The following TPRG1 variants were observed in gnomAD, a reference collection of about 807,000 sequenced individuals.
TPRG1 encodes the protein tumor protein p63 regulated 1, also known as tumor protein p63-regulated gene 1 protein.
In TPRG1, 29 loss-of-function variants were observed where a neutral mutation model predicts 29.3. The observed-to-expected ratio is 0.99, with a 90% CI of 0.74 to 1.35. The LOEUF (loss-of-function observed/expected upper bound fraction) is 1.35. Among genes scored for constraint, TPRG1 ranks in the 40% most tolerant of loss-of-function variants. The pLI, the probability that TPRG1 is intolerant of heterozygous loss-of-function variation, is 0.00. For missense variants in TPRG1, 327 were observed against 335.0 expected, an observed-to-expected ratio of 0.98 and a Z score of 0.19; for synonymous variants, 130 against 116.8, an observed-to-expected ratio of 1.11 and a Z score of -0.73.
At chr3:189,267,496 A>G (rs554158958) in intron 4 of TPRG1, 34 of 152,356 alleles carry the variant, frequency 2.2e-4, no homozygotes, top group African/African-American at 8.2e-4. Flanking sequence ...GAGAGCATAG[A>G]CAAGGCAATC....
chr3:189,021,358 A>G (rs1713296106), intron 3 of TPRG1, among the ~76,000 whole-genome samples: 1 of 151,934 alleles, frequency 6.6e-6, no homozygotes, highest in African/African-American at 2.4e-5. Flanking sequence ...ATGATTTTGC[A>G]GCGGCTGGTA....
At chr3:189,208,208 T>G (rs1014755135) in intron 2 of TPRG1, among the ~76,000 whole-genome samples, 6 of 152,198 alleles carry the variant, frequency 3.9e-5, no homozygotes, top group Admixed American at 2.6e-4. Context: ...CTTTTAGCAT[T>G]TGATTCAAGT....
intron 1 of TPRG1, among the ~76,000 whole-genome samples, chr3:189,186,120 A>G (rs1380487417): frequency 3.3e-5 from 5 of 152,226 alleles, no homozygotes; most frequent in African/African-American, 1.2e-4. Flanking sequence ...TGTATAGTCA[A>G]TAGACAAAGA....
intron 2 of TPRG1, among the ~76,000 whole-genome samples, chr3:189,002,754 G>A (rs1439498840): frequency 6.6e-6 from 1 of 152,104 alleles, no homozygotes; most frequent in African/African-American, 2.4e-5. Flanking sequence ...GAATTCTCCA[G>A]TACAATAGAG....
chr3:189,175,086 C>T (rs1338626027), intron 1 of TPRG1, among the ~76,000 whole-genome samples: 1 of 152,030 alleles, frequency 6.6e-6, no homozygotes, highest in Non-Finnish European at 1.5e-5. Context: ...GACCCTTTCT[C>T]AAAGGGGCTT....
intron 4 of TPRG1, among the ~76,000 whole-genome samples, chr3:189,264,087 A>G (rs778500437): frequency 1.4e-4 from 21 of 152,162 alleles, no homozygotes; most frequent in Non-Finnish European, 2.5e-4. Flanking sequence ...GAAAATTTGA[A>G]TTCTTATCCC....
At chr3:189,017,804 C>G (rs1713033708) in intron 3 of TPRG1, among the ~76,000 whole-genome samples, 2 of 152,162 alleles carry the variant, frequency 1.3e-5, no homozygotes, top group African/African-American at 2.4e-5. Flanking sequence ...GGAATCGCCA[C>G]ACTGACTTCC....
chr3:189,016,508 G>A (rs1009168751), intron 3 of TPRG1, among the ~76,000 whole-genome samples: 2 of 152,088 alleles, frequency 1.3e-5, no homozygotes, highest in Non-Finnish European at 2.9e-5. Context: ...GGCATGACTG[G>A]TTTTGAAATG....
intron 3 of TPRG1, among the ~76,000 whole-genome samples, chr3:189,221,619 A>G (rs76467313): frequency 0.067 from 10,190 of 152,296 alleles, 474 homozygotes; most frequent in Middle Eastern, 0.13. Flanking sequence ...AAAGGGCTCT[A>G]TTAGATCTTT....
intron 1 of TPRG1, among the ~76,000 whole-genome samples, chr3:189,186,458 C>T (rs567750982): frequency 6.6e-6 from 1 of 152,274 alleles, no homozygotes; most frequent in South Asian, 2.1e-4. Flanking sequence ...AACCTAGTAA[C>T]TTGTTTTTTC....
chr3:189,206,047 T>C (rs6774576), intron 1 of TPRG1, among the ~76,000 whole-genome samples: 7,306 of 51,818 alleles, frequency 0.14, 246 homozygotes, highest in Middle Eastern at 0.19. Flanking sequence ...TTCCTTCCTT[T>C]CTTCTGTCTT....
intron 4 of TPRG1, among the ~76,000 whole-genome samples, chr3:189,028,180 C>T (rs1195085754): frequency 6.6e-6 from 1 of 152,176 alleles, no homozygotes; most frequent in African/African-American, 2.4e-5. Flanking sequence ...TCCATGACTT[C>T]ACGGATGGGG....
chr3:189,261,871 C>T (rs1040570276), intron 4 of TPRG1, among the ~76,000 whole-genome samples: 3 of 152,094 alleles, frequency 2.0e-5, no homozygotes, highest in African/African-American at 7.2e-5. Flanking sequence ...CTAGTGTGCT[C>T]ATGTGAAGTC....
At chr3:189,153,977 A>G (rs1726304699) in intron 5 of TPRG1, among the ~76,000 whole-genome samples, 1 of 152,348 alleles carries the variant, frequency 6.6e-6, no homozygotes, top group African/African-American at 2.4e-5. Context: ...ACATCATTGC[A>G]GCCATTCTAA....
intron 4 of TPRG1, among the ~76,000 whole-genome samples, chr3:189,246,150 A>C (rs1466091932): frequency 2.0e-5 from 3 of 152,132 alleles, no homozygotes; most frequent in Non-Finnish European, 1.5e-5. Flanking sequence ...TTGATAGTGA[A>C]TAAATCTCAA....
At chr3:189,251,523 C>T (rs2109002532) in intron 4 of TPRG1, among the ~76,000 whole-genome samples, 1 of 152,226 alleles carries the variant, frequency 6.6e-6, no homozygotes, top group East Asian at 1.9e-4. Context: ...TCCCGCCAGC[C>T]TCTGAGTTCC....
At chr3:189,163,883 C>T (rs1452522013) in intron 5 of TPRG1, among the ~76,000 whole-genome samples, 2 of 152,010 alleles carry the variant, frequency 1.3e-5, no homozygotes, top group Admixed American at 1.3e-4. Context: ...CTGGAAACCC[C>T]GCCGAGAATC....
At chr3:189,098,094 A>T (rs541447359), upstream of TPRG1, among the ~76,000 whole-genome samples, 3 of 152,370 alleles carry the variant, frequency 2.0e-5, no homozygotes, top group Admixed American at 6.5e-5. Flanking sequence ...CCAGTGACCT[A>T]GTCAGAGGGT....
intron 4 of TPRG1, among the ~76,000 whole-genome samples, chr3:189,303,389 C>T (rs1226940646): frequency 1.3e-5 from 2 of 152,110 alleles, no homozygotes; most frequent in African/African-American, 2.4e-5. Flanking sequence ...GGGTCAAACA[C>T]GTTAGGTTTG....
Sources: gnomAD v4.1 joint callset for allele counts (sites outside exome capture counted in the v4.1 genomes callset) on GRCh38, gnomAD v4.1.1 for gene constraint, MANE v1.5 for transcripts, NCBI Gene and HGNC (gene_info 2026-07-23, HGNC 2026-07-21) for gene names.